Variants in ITGAM observed in about 807,000 individuals in gnomAD.
The protein encoded by ITGAM is integrin alpha-M.
ITGAM carries 79 observed loss-of-function variants against 137.5 expected under a neutral mutation model. That is an observed-to-expected ratio of 0.57 (90% CI 0.48 to 0.69). The LOEUF is 0.69. Among genes scored for constraint, ITGAM ranks in the 30% least tolerant of loss-of-function variants. ITGAM has a pLI of 0.00. For synonymous variants in ITGAM, 583 were observed against 592.3 expected, an observed-to-expected ratio of 0.98 and a Z score of 0.23; for missense variants, 1,343 against 1,483.5, an observed-to-expected ratio of 0.91 and a Z score of 1.56.
At chr16:31,329,709 T>A (rs1414539851) in intron 24 of ITGAM, 89 bp from the exon 25 acceptor site, 1 of 1,109,542 alleles carries the variant, frequency 9.0e-7, no homozygotes, top group Non-Finnish European at 1.3e-6. Flanking sequence ...CGCCCGGGCC[T>A]ATGGCCTGCC....
chr16:31,312,557 T>C (rs1277061235), intron 14 of ITGAM, among the ~76,000 whole-genome samples: 5 of 152,038 alleles, frequency 3.3e-5, no homozygotes, highest in Admixed American at 6.6e-5. Context: ...CTCCTAAGTG[T>C]CTTTGACTGC....
chr16:31,279,652 G>C (rs2079946718), intron 12 of ITGAM, among the ~76,000 whole-genome samples: 1 of 152,192 alleles, frequency 6.6e-6, no homozygotes, highest in African/African-American at 2.4e-5. Flanking sequence ...TTTGTCAGAT[G>C]GGTAGATTGT....
rs527552880 is a variant in ITGAM, at chr16:31,311,215, T to C, written c.1708-10026T>C. On this transcript the variant is annotated intron_variant, in intron 14 of 29. Transcript: ENST00000544665. ...AACCTAGGCAATACCATTGAGGACATAGGCATGGGCAAGGACTTCATGTCT... is the reference window on the plus strand; with the variant it reads ...AACCTAGGCAATACCATTGAGGACACAGGCATGGGCAAGGACTTCATGTCT... 3.3e-5 allele frequency among the ~76,000 whole-genome samples: 5 copies of C among 152,282 alleles called. No homozygotes were observed. In the East Asian group the frequency reaches 9.6e-4, roughly 29 times the overall value.
At chr16:31,290,403 T>C (rs1298077625) in intron 12 of ITGAM, among the ~76,000 whole-genome samples, 1 of 152,204 alleles carries the variant, frequency 6.6e-6, no homozygotes, top group Non-Finnish European at 1.5e-5. Context: ...TTATGGTCTA[T>C]ACATTTAATC....
chr16:31,331,718 C>T lies in ITGAM; in HGVS notation c.*11C>T, dbSNP rs761278770. The stretch of plus-strand genomic sequence containing the variant: ...GCCGAACCCCAGTAGCGGCTCCTTC[C>T]CGACAGAGCTGCCTCTCGGTGGCCA... On this transcript the variant is annotated 3_prime_UTR_variant, in exon 30 of 30. Transcript: ENST00000544665. 19 of 1,586,796 alleles carry T rather than the reference C, an allele frequency of 1.2e-5. No homozygotes were observed.
intron 14 of ITGAM, among the ~76,000 whole-genome samples, chr16:31,302,466 T>TTC (rs2080214212): frequency 9.0e-6 from 1 of 111,438 alleles, no homozygotes; most frequent in East Asian, 2.0e-4. Flanking sequence ...TTCCTTTCTT[T>TTC]CTTTCTTTCT....
In ITGAM at chr16:31,276,605, T is replaced by G. The variant is rs948321641; in HGVS notation, c.1010-66T>G. 2.6e-6 allele frequency: 3 copies of G among 1,156,112 alleles called. No individual in the cohort carries two copies. In the Admixed American group the frequency reaches 6.0e-5, roughly 23 times the overall value. The allele number at this position is 1,156,112 out of a possible 1,614,324, so 71.6% of individuals were successfully genotyped here. On this transcript the variant is annotated intron_variant, in intron 9 of 29. Transcript: ENST00000544665. ...TCTCAGGCTCTCAAAATGTTGGGAT[T>G]ACAGGCGTGAGCCACCATGCCCGGC...
intron 13 of ITGAM, 31 bp downstream of exon 13, chr16:31,297,685 G>A: frequency 1.2e-6 from 2 of 1,606,332 alleles, no homozygotes; most frequent in Non-Finnish European, 1.7e-6. Flanking sequence ...GGCTGGGTGG[G>A]GCCCGGTGTG....
At chr16:31,261,962 A>G (rs1282567991) in intron 2 of ITGAM, among the ~76,000 whole-genome samples, 165 bp downstream of exon 2, 1 of 152,202 alleles carries the variant, frequency 6.6e-6, no homozygotes, top group Non-Finnish European at 1.5e-5. Flanking sequence ...CAAAAGATGC[A>G]AAAGGGTGTA....
At chr16:31,291,546 A>T (rs189970801) in intron 12 of ITGAM, among the ~76,000 whole-genome samples, 38 of 152,242 alleles carry the variant, frequency 2.5e-4, no homozygotes, top group Middle Eastern at 6.8e-3. Flanking sequence ...CTGGAATGAG[A>T]TGATATCTCA....
At chr16:31,263,940 A>T (rs920789999) in intron 2 of ITGAM, among the ~76,000 whole-genome samples, 1 of 151,432 alleles carries the variant, frequency 6.6e-6, no homozygotes, top group South Asian at 2.1e-4. Context: ...GGTTCAAGCG[A>T]TTCTCCTGCC....
At chr16:31,278,282 C>A (rs1667917415) in intron 12 of ITGAM, among the ~76,000 whole-genome samples, 173 bp downstream of exon 12, 1 of 152,096 alleles carries the variant, frequency 6.6e-6, no homozygotes, top group African/African-American at 2.4e-5. Flanking sequence ...GTGTCCTCAG[C>A]TTTTTTAACA....
intron 16 of ITGAM, among the ~76,000 whole-genome samples, chr16:31,322,499 A>C (rs2080224910): frequency 1.3e-5 from 2 of 152,172 alleles, no homozygotes; most frequent in African/African-American, 4.8e-5. Context: ...ACTCCAAGAC[A>C]CCCAGTAGAA....
chr16:31,294,639 G>A (rs1236765275), intron 12 of ITGAM, among the ~76,000 whole-genome samples: 5 of 152,078 alleles, frequency 3.3e-5, no homozygotes, highest in African/African-American at 1.2e-4. Flanking sequence ...TTTGCAGGTA[G>A]TGTGTTGAGG....
At chr16:31,302,446 TC>T (rs2080211763) in intron 14 of ITGAM, among the ~76,000 whole-genome samples, 1 of 107,726 alleles carries the variant, frequency 9.3e-6, no homozygotes, top group Non-Finnish European at 1.7e-5. Context: ...TTTCTTTCTT[TC>T]TTTCTTCCTT....
At position 31,324,295 on chromosome 16, in the gene ITGAM, C is replaced by A. The variant is rs2080481451; in HGVS notation, c.2003-104C>A. 7.7e-6 allele frequency: 7 copies of A among 905,790 alleles called. No individual in the cohort carries two copies. Among genetic ancestry groups the A allele is most frequent in the Admixed American group, 2.4e-5 (1 of 42,038 alleles). 56.1% of individuals were successfully genotyped at this position (905,790 alleles called of 1,614,324 possible). ...AGACTCAGAGAAGTCAGATAACATA[C>A]CCCAAGTCACACAGCTGAGAAGCAG... is the stretch of plus-strand genomic sequence containing the variant. On this transcript the variant is annotated intron_variant, in intron 16 of 29. Coordinates refer to ENST00000544665, the MANE Select transcript of ITGAM (RefSeq NM_000632.4). This position sits in a 1 kb window ranked among gnomAD's most constrained non-coding sequence, Gnocchi z 4.5.
At chr16:31,283,284 A>C (rs1177384419) in intron 12 of ITGAM, among the ~76,000 whole-genome samples, 2 of 152,176 alleles carry the variant, frequency 1.3e-5, no homozygotes. Context: ...AGATTGGGGA[A>C]GTTCTCCTGG....
At chr16:31,265,527 T>C (rs2079755997) in intron 3 of ITGAM, 29 bp downstream of exon 3, 8 of 1,466,258 alleles carry the variant, frequency 5.5e-6, no homozygotes, top group African/African-American at 1.4e-5. Flanking sequence ...GGGCTGGGAC[T>C]GGGATTCCCC....
At chr16:31,261,933 A>C in intron 2 of ITGAM, 136 bp downstream of exon 2, 2 of 605,548 alleles carry the variant, frequency 3.3e-6, no homozygotes. Context: ...CATCTTTTGA[A>C]TTTACAGTAT....
Sources: allele counts gnomAD v4.1 joint callset (sites outside exome capture counted in the v4.1 genomes callset), GRCh38; gene constraint gnomAD v4.1.1; non-coding constraint Gnocchi (gnomAD v3.1); transcripts MANE v1.5; gene names NCBI Gene and HGNC (gene_info 2026-07-23, HGNC 2026-07-21).